SLC25A47: variants seen among roughly 807,000 people sequenced by gnomAD.
SLC25A47 encodes HCC-down-regulated mitochondrial carrier protein.
SLC25A47 carries 30 observed loss-of-function variants against 29.8 expected under a neutral mutation model. The ratio of observed to expected loss-of-function variants is 1.01; its 90% CI spans 0.75 to 1.36. SLC25A47 has a LOEUF of 1.36. Among genes scored for constraint, SLC25A47 ranks in the 40% most tolerant of loss-of-function variants. SLC25A47 has a pLI of 0.00. For missense variants in SLC25A47, 430 were observed against 441.9 expected (o/e 0.97, Z 0.24); for synonymous variants, 204 against 197.8 (o/e 1.03, Z -0.26).
intron 1 of SLC25A47, 37 bp from the exon 2 acceptor site, chr14:100,325,751 C>G (rs773646248): frequency 6.2e-7 from 1 of 1,607,152 alleles, no homozygotes; most frequent in Non-Finnish European, 8.5e-7. Flanking sequence ...CTCGCCGGCC[C>G]CACTCTCCTC....
At position 100,327,283 on chromosome 14, in the gene SLC25A47, C is replaced by T; in HGVS notation, c.240C>T (p.His80=). ...SFGTYRHCLA[H]ICRLRYGNPD... The stretch of plus-strand genomic sequence containing the variant: ...GCACCTACCGCCACTGCCTGGCGCA[C>T]ATCTGCCGGCTCCGGTACGGCAACC... The change falls in exon 4 of 6, where the codon CAC becomes CAT. Residue 80 remains histidine, a synonymous_variant. Coordinates refer to ENST00000361529, the MANE Select transcript of SLC25A47 (RefSeq NM_207117.4). 1 of 1,606,482 alleles carries T rather than the reference C, an allele frequency of 6.2e-7. No homozygotes were observed. Among genetic ancestry groups the T allele is most frequent in the Non-Finnish European group, 8.5e-7 (1 of 1,179,950 alleles).
intron 2 of SLC25A47, 147 bp from the exon 3 acceptor site, chr14:100,326,010 C>T (rs994376615): frequency 2.6e-5 from 25 of 959,370 alleles, no homozygotes; most frequent in African/African-American, 4.9e-5. Context: ...CCAGGTTTCT[C>T]GTCTAACACA....
intron 4 of SLC25A47, 54 bp downstream of exon 4, chr14:100,327,424 G>A (rs1415012157): frequency 1.3e-6 from 2 of 1,521,698 alleles, no homozygotes; most frequent in Admixed American, 3.9e-5. Context: ...CGGGGTCTGA[G>A]AGGTTATCCA....
rs773924358 is a variant in SLC25A47, at chr14:100,329,403, G to C, written c.685G>C (p.Val229Leu). 11 of 1,612,258 alleles carry C rather than the reference G, an allele frequency of 6.8e-6. No individual in the cohort carries two copies. Among genetic ancestry groups the C allele is most frequent in the Non-Finnish European group, 9.3e-6 (11 of 1,179,680 alleles). The change falls in exon 6 of 6, where the codon GTC becomes CTC. Residue 229 changes from valine (V) to leucine (L), a missense_variant. Val to Leu is a conservative substitution (Grantham distance 32, BLOSUM62 1). Coordinates refer to ENST00000361529, the MANE Select transcript of SLC25A47 (RefSeq NM_207117.4). The stretch of plus-strand genomic sequence containing the variant: ...GCTGGTGGCCGGGGGCTGTGCAGGA[G>C]TCCTGGCCTGGGCTGTGGCCACCCC... ...GVLVAGGCAGVLAWAVATPMD... is the reference protein window; with the variant it reads ...GVLVAGGCAGLLAWAVATPMD...
chr14:100,323,884 G>C (rs112700691), intron 1 of SLC25A47, among the ~76,000 whole-genome samples: 1 of 152,150 alleles, frequency 6.6e-6, no homozygotes, highest in Non-Finnish European at 1.5e-5. Flanking sequence ...ACGGTAAGGG[G>C]CCTGGCGAGG....
Position 100,328,919 on chromosome 14 carries a change from G to C in SLC25A47, c.521G>C (p.Gly174Ala), listed in dbSNP as rs1893392532. ...CTGGCCACGGTAGCCCGTGAGGAGGGGCTGTGCGGCCTCTACAAGGGCAGC... is the reference window on the plus strand; with the variant it reads ...CTGGCCACGGTAGCCCGTGAGGAGGCGCTGTGCGGCCTCTACAAGGGCAGC... The part of the protein sequence containing the change: ...HCLATVAREE[G>A]LCGLYKGSSA... The change falls in exon 5 of 6, where the codon GGG (glycine) becomes GCG (alanine). Residue 174 changes from glycine (G) to alanine (A), a missense_variant. Coordinates refer to ENST00000361529, the MANE Select transcript of SLC25A47 (RefSeq NM_207117.4). The C allele has an allele frequency of 1.4e-5, 23 of 1,608,756 alleles. No individual in the cohort carries two copies. The highest frequency in any genetic ancestry group is 1.8e-5 in the Non-Finnish European group (21 of 1,179,854).
At position 100,328,997 on chromosome 14, in the gene SLC25A47, A is replaced by G; in HGVS notation, c.599A>G (p.Tyr200Cys). 1 of 1,600,494 alleles carries G rather than the reference A, an allele frequency of 6.2e-7. No homozygotes were observed. The highest frequency in any genetic ancestry group is 8.5e-7 in the Non-Finnish European group (1 of 1,179,746). ...GHSFATYFLS[Y>C]AVLCEWLSPA... ...TCCTTTGCCACCTACTTCCTTTCCT[A>G]CGCGGTCCTCTGCGAGTGGCTCAGC... The change falls in exon 5 of 6, where the codon TAC (tyrosine) becomes TGC (cysteine). Residue 200 changes from tyrosine (Y) to cysteine (C), a missense_variant. Physicochemically the swap from Tyr to Cys is radical, Grantham distance 194. Transcript: ENST00000361529.
In SLC25A47 at chr14:100,327,233, T is replaced by TA. The variant is rs749471607; in HGVS notation, c.190_191insA (p.Ser64TyrfsTer27). 6.2e-7 allele frequency: 1 copy of TA among 1,609,752 alleles called. No homozygotes were observed. Among genetic ancestry groups the TA allele is most frequent in the Non-Finnish European group, 8.5e-7 (1 of 1,179,916 alleles). On this transcript the variant is annotated frameshift_variant, in exon 4 of 6. Transcript: ENST00000361529. LOFTEE classifies it high-confidence loss of function. Reference sequence around the variant, plus strand: ...CCTCTCGCTGCCCGTGTGCACGGTGTCCCTGGTATCTTCCGTGTCTTTTGG... The same window carrying TA: ...CCTCTCGCTGCCCGTGTGCACGGTGTACCCTGGTATCTTCCGTGTCTTTTGG...
chr14:100,325,797 G>T lies in SLC25A47; in HGVS notation c.38G>T (p.Gly13Val), dbSNP rs1173078050. The stretch of plus-strand genomic sequence containing the variant: ...TCTTCTTTCCTTGCAGGCGTCTGCG[G>T]TGTTGCTGTGGGCTACCCCCTGGAC... ...FVAGAIGGVC[G>V]VAVGYPLDTV... The change falls in exon 2 of 6, where the codon GGT becomes GTT. Residue 13 changes from glycine to valine, a missense_variant. Coordinates refer to ENST00000361529, the MANE Select transcript of SLC25A47 (RefSeq NM_207117.4). 1 of 1,612,764 alleles carries T rather than the reference G, an allele frequency of 6.2e-7. No homozygotes were observed. Among genetic ancestry groups the T allele is most frequent in the Admixed American group, 1.7e-5 (1 of 59,912 alleles).
At position 100,329,712 on chromosome 14, in the gene SLC25A47, AG is replaced by A; in HGVS notation, c.*71del. On this transcript the variant is annotated 3_prime_UTR_variant, in exon 6 of 6. Coordinates refer to ENST00000361529, the MANE Select transcript of SLC25A47 (RefSeq NM_207117.4). ...GAGGTCGTAGTGGCTGGAGGAGGCA[AG>A]GGGTAGTGTGGCTGGGTTCGGGACC... 1 of 1,551,566 alleles carries A rather than the reference AG, an allele frequency of 6.4e-7. No homozygotes were observed. Among genetic ancestry groups the A allele is most frequent in the Non-Finnish European group, 8.7e-7 (1 of 1,150,584 alleles).
intron 1 of SLC25A47, 27 bp from the exon 2 acceptor site, chr14:100,325,761 C>G: frequency 6.2e-7 from 1 of 1,610,418 alleles, no homozygotes; most frequent in Non-Finnish European, 8.5e-7. Context: ...CCACTCTCCT[C>G]ACCGTGGGCC....
At chr14:100,328,649 T>G in intron 4 of SLC25A47, 77 bp from the exon 5 acceptor site, 133 of 1,452,660 alleles carry the variant, frequency 9.2e-5, no homozygotes, top group Non-Finnish European at 1.2e-4. Context: ...GTGAGCAACA[T>G]GAGGCTGGTG....
rs562352463 is a variant in SLC25A47, at chr14:100,325,933, C to A, written c.72+102C>A. The A allele has an allele frequency of 3.7e-5, 48 of 1,302,132 alleles. 1 individual carries two copies. In the South Asian group the frequency reaches 6.5e-4, roughly 18 times the overall value. 80.7% of individuals were successfully genotyped at this position (1,302,132 alleles called of 1,614,324 possible). ...TAAACAGACCCACCCCTTTCCTACC[C>A]AAATGCCTTCAATGGCTCCCCATAG... On this transcript the variant is annotated intron_variant, in intron 2 of 5. Coordinates refer to ENST00000361529, the MANE Select transcript of SLC25A47 (RefSeq NM_207117.4).
intron 4 of SLC25A47, 139 bp from the exon 5 acceptor site, chr14:100,328,587 C>A: frequency 1.2e-6 from 1 of 859,952 alleles, no homozygotes; most frequent in Non-Finnish European, 1.8e-6. Context: ...CCGTGGCCCC[C>A]CAGCCCTGGG....
At chr14:100,327,402 C>T in intron 4 of SLC25A47, 32 bp downstream of exon 4, 1 of 1,560,108 alleles carries the variant, frequency 6.4e-7, no homozygotes, top group East Asian at 2.3e-5. Flanking sequence ...GGGGAAGGCC[C>T]AAGAGAGACT....
rs1248512079 is a variant in SLC25A47 at position 100,323,439 on chromosome 14, G to A, written c.25G>A (p.Gly9Arg). ...CATGGATTTTGTCGCTGGAGCCATC[G>A]GAGGTAACAGACAGGATGGTGGGCT... is the stretch of plus-strand genomic sequence containing the variant. MDFVAGAIGGVCGVAVGYP... is the reference protein window; with the variant it reads MDFVAGAIRGVCGVAVGYP... Residue 9 changes from glycine to arginine, a missense_variant, in exon 1 of 6, where the codon GGA becomes AGA. Gly to Arg is a moderately radical substitution (Grantham distance 125, BLOSUM62 -2). Coordinates refer to ENST00000361529, the MANE Select transcript of SLC25A47 (RefSeq NM_207117.4). 4.3e-6 allele frequency: 7 copies of A among 1,613,812 alleles called. No individual in the cohort carries two copies. The highest frequency in any genetic ancestry group is 1.7e-4 in the Middle Eastern group (1 of 6,058).
intron 2 of SLC25A47, 121 bp downstream of exon 2, chr14:100,325,952 C>T: frequency 8.6e-7 from 1 of 1,157,360 alleles, no homozygotes; most frequent in Non-Finnish European, 1.2e-6. Context: ...TCAATGGCTC[C>T]CCATAGCCCC....
At position 100,329,516 on chromosome 14, in the gene SLC25A47, T is replaced by C; in HGVS notation, c.798T>C (p.Val266=). ...RGLLHCMVTS[V]REEGPRVLFK... Reference sequence around the variant, plus strand: ...TCCTGCACTGTATGGTGACCAGCGTTCGAGAGGAGGGACCCCGGGTCCTTT... The same window carrying C: ...TCCTGCACTGTATGGTGACCAGCGTCCGAGAGGAGGGACCCCGGGTCCTTT... The change falls in exon 6 of 6, where the codon GTT becomes GTC. Residue 266 remains valine, a synonymous_variant. Coordinates refer to ENST00000361529, the MANE Select transcript of SLC25A47 (RefSeq NM_207117.4). 6.2e-7 allele frequency: 1 copy of C among 1,613,408 alleles called. No individual in the cohort carries two copies. Among genetic ancestry groups the C allele is most frequent in the Non-Finnish European group, 8.5e-7 (1 of 1,179,992 alleles).
intron 1 of SLC25A47, among the ~76,000 whole-genome samples, chr14:100,325,539 C>G (rs145931127): frequency 1.3e-5 from 2 of 152,298 alleles, no homozygotes; most frequent in South Asian, 4.1e-4. Flanking sequence ...GAGGCAGTCC[C>G]GGGCCAGGAC....
Sources: gnomAD v4.1 joint callset for allele counts (sites outside exome capture counted in the v4.1 genomes callset) on GRCh38, gnomAD v4.1.1 for gene constraint, MANE v1.5 for transcripts, NCBI Gene and HGNC (gene_info 2026-07-23, HGNC 2026-07-21) for gene names.